Variants in CCSER2 observed in about 807,000 individuals in gnomAD.
CCSER2 encodes coiled-coil serine rich protein 2.
Under a neutral mutation model 92.3 loss-of-function variants are expected in CCSER2, and 46 were observed. The ratio of observed to expected loss-of-function variants is 0.50; its 90% CI spans 0.39 to 0.64. The LOEUF (loss-of-function observed/expected upper bound fraction) is 0.64. CCSER2 is among the 30% of genes least tolerant of loss of function. The pLI, the probability that CCSER2 is intolerant of heterozygous loss-of-function variation, is 0.00. For missense variants in CCSER2, 1,244 were observed against 1,238.9 expected (o/e 1.00, Z -0.06); for synonymous variants, 433 against 431.4 (o/e 1.00, Z -0.04).
chr10:84,457,037 CTA>C (rs1845666904), intron 6 of CCSER2, among the ~76,000 whole-genome samples: 1 of 149,986 alleles, frequency 6.7e-6, no homozygotes, highest in South Asian at 2.1e-4. Context: ...TTTTGGGCAA[CTA>C]TGTACAATTG....
At chr10:84,367,694 CTTCT>C (rs1845850589) in intron 1 of CCSER2, among the ~76,000 whole-genome samples, 1 of 149,158 alleles carries the variant, frequency 6.7e-6, no homozygotes, top group Admixed American at 6.9e-5. Flanking sequence ...TAAGTCTTTG[CTTCT>C]TTTCCTTGCT....
intron 3 of CCSER2, among the ~76,000 whole-genome samples, chr10:84,400,656 G>A (rs1000587489): frequency 6.6e-6 from 1 of 152,196 alleles, no homozygotes; most frequent in Non-Finnish European, 1.5e-5. Flanking sequence ...GTGCATGCCT[G>A]TAATCCCAGC....
intron 9 of CCSER2, 62 bp downstream of exon 9, chr10:84,477,726 C>T (rs1847235698): frequency 2.3e-6 from 2 of 875,220 alleles, no homozygotes; most frequent in Admixed American, 2.3e-5. Flanking sequence ...TTTTATTTCA[C>T]TCTTTTTACA....
rs528797468 is a variant in CCSER2 at position 84,516,932 on chromosome 10, T to C, written c.*2665T>C. 1.3e-5 allele frequency: 2 copies of C among 152,310 alleles called. No individual in the cohort carries two copies. The highest frequency in any genetic ancestry group is 4.8e-5 in the African/African-American group (2 of 41,578). The allele number at this position is 152,310 out of a possible 1,614,324, so 9.4% of individuals were successfully genotyped here. ...TTTGCCTGCAGTTTTCATTAAAAACTGCAAGAATATCATGCTTGTCTGCTT... is the reference window on the plus strand; with the variant it reads ...TTTGCCTGCAGTTTTCATTAAAAACCGCAAGAATATCATGCTTGTCTGCTT... On this transcript the variant is annotated 3_prime_UTR_variant, in exon 10 of 10. Coordinates refer to ENST00000372088, the MANE Select transcript of CCSER2 (RefSeq NM_001284240.2).
rs1335807844 is a variant in CCSER2, at chr10:84,516,997, ACT to A, written c.*2733_*2734del. ...AGTCTGAAATGGAAGTGAGGATGTA[ACT>A]CTACTGAATAATCAAAGATCATCTT... On this transcript the variant is annotated 3_prime_UTR_variant, in exon 10 of 10. Transcript: ENST00000372088. The A allele has an allele frequency of 1.3e-5, 2 of 152,130 alleles. No individual in the cohort carries two copies. The highest frequency in any genetic ancestry group is 1.5e-5 in the Non-Finnish European group (1 of 68,028). 9.4% of individuals were successfully genotyped at this position (152,130 alleles called of 1,614,324 possible).
chr10:84,331,125 C>T (rs1230229943), intron 1 of CCSER2, among the ~76,000 whole-genome samples: 1 of 152,152 alleles, frequency 6.6e-6, no homozygotes, highest in East Asian at 1.9e-4. Context: ...AAAAATTTTA[C>T]GGTTAAACAA....
At chr10:84,480,011 G>T (rs1847367391) in intron 9 of CCSER2, among the ~76,000 whole-genome samples, 1 of 152,112 alleles carries the variant, frequency 6.6e-6, no homozygotes, top group African/African-American at 2.4e-5. Flanking sequence ...GCAGTATACT[G>T]TGATAATCCA....
At chr10:84,450,509 C>T (rs1845213914) in intron 6 of CCSER2, among the ~76,000 whole-genome samples, 1 of 151,640 alleles carries the variant, frequency 6.6e-6, no homozygotes, top group Non-Finnish European at 1.5e-5. Flanking sequence ...GATCAGTGTC[C>T]CCACCCCCCA....
intron 6 of CCSER2, among the ~76,000 whole-genome samples, chr10:84,443,991 G>A (rs781489945): frequency 3.3e-5 from 5 of 152,050 alleles, no homozygotes; most frequent in South Asian, 2.1e-4. Flanking sequence ...AGGGCCTGTC[G>A]GGGGGTAGGG....
intron 9 of CCSER2, among the ~76,000 whole-genome samples, chr10:84,492,806 C>G (rs1281924537): frequency 1.3e-5 from 2 of 151,994 alleles, no homozygotes; most frequent in African/African-American, 4.8e-5. Context: ...AAATAAACCC[C>G]CTTTAGTCAT....
intron 1 of CCSER2, among the ~76,000 whole-genome samples, chr10:84,355,271 T>C (rs928155947): frequency 6.6e-6 from 1 of 152,186 alleles, no homozygotes; most frequent in Non-Finnish European, 1.5e-5. Flanking sequence ...TTTCCACTAT[T>C]CTTCCTTTCT....
At chr10:84,334,085 G>A (rs139835179) in intron 1 of CCSER2, among the ~76,000 whole-genome samples, 121 of 152,290 alleles carry the variant, frequency 7.9e-4, no homozygotes, top group African/African-American at 2.8e-3. Flanking sequence ...AGGGAGGATG[G>A]GGGAAGAGCC....
chr10:84,359,473 G>A (rs981085841), intron 1 of CCSER2, among the ~76,000 whole-genome samples: 1 of 152,142 alleles, frequency 6.6e-6, no homozygotes, highest in African/African-American at 2.4e-5. Flanking sequence ...AGATCTCTGG[G>A]CTCTACAGAA....
intron 6 of CCSER2, among the ~76,000 whole-genome samples, chr10:84,439,281 G>T (rs920591402): frequency 5.3e-5 from 8 of 150,618 alleles, no homozygotes; most frequent in Non-Finnish European, 1.0e-4. Context: ...TTGGATCCTG[G>T]CATCTGATTC....
chr10:84,330,215 T>C (rs886779105), intron 1 of CCSER2, among the ~76,000 whole-genome samples: 2 of 152,242 alleles, frequency 1.3e-5, no homozygotes, highest in Non-Finnish European at 2.9e-5. Flanking sequence ...CCTTCATGAT[T>C]AGCGGTATTT....
At chr10:84,365,093 T>C (rs958828948) in intron 1 of CCSER2, among the ~76,000 whole-genome samples, 1 of 152,134 alleles carries the variant, frequency 6.6e-6, no homozygotes, top group Admixed American at 6.6e-5. Context: ...TGCTATACTT[T>C]AAAAAATTAT....
At position 84,514,347 on chromosome 10, in the gene CCSER2, T is replaced by C. The variant is rs995001263; in HGVS notation, c.*80T>C. The C allele has an allele frequency of 3.0e-6, 3 of 1,008,474 alleles. No homozygotes were observed. The highest frequency in any genetic ancestry group is 4.3e-6 in the Non-Finnish European group (3 of 703,646). The allele number at this position is 1,008,474 out of a possible 1,614,324, so 62.5% of individuals were successfully genotyped here. ...GCTTTATGTGCAGCTTGCAGCTTGC[T>C]ACTGTGGTGGAGGTTCCATTGAAAG... On this transcript the variant is annotated 3_prime_UTR_variant, in exon 10 of 10. Transcript: ENST00000372088.
At chr10:84,362,340 A>G (rs960821254) in intron 1 of CCSER2, among the ~76,000 whole-genome samples, 3 of 152,216 alleles carry the variant, frequency 2.0e-5, no homozygotes, top group Admixed American at 6.5e-5. Context: ...ATATGGGTCA[A>G]TATTGACGTA....
At chr10:84,359,496 A>G (rs924330549) in intron 1 of CCSER2, among the ~76,000 whole-genome samples, 5 of 152,230 alleles carry the variant, frequency 3.3e-5, no homozygotes, top group African/African-American at 7.2e-5. Context: ...GCTGAGCACT[A>G]TATCTAAGGT....
Sources: gnomAD v4.1 joint callset for allele counts (sites outside exome capture counted in the v4.1 genomes callset) on GRCh38, gnomAD v4.1.1 for gene constraint, MANE v1.5 for transcripts, NCBI Gene and HGNC (gene_info 2026-07-23, HGNC 2026-07-21) for gene names.